TLK2: variants seen among roughly 807,000 people sequenced by gnomAD.
TLK2 encodes the protein serine/threonine-protein kinase tousled-like 2.
A neutral mutation model predicts 117.3 loss-of-function variants in TLK2; 6 were observed. That is an observed-to-expected ratio of 0.05 (90% CI 0.03 to 0.10). TLK2 has a LOEUF of 0.10. TLK2 is among the 10% of genes least tolerant of loss of function. TLK2 has a pLI of 1.00. For missense variants in TLK2, 299 were observed against 901.2 expected, an observed-to-expected ratio of 0.33 and a Z score of 8.56; for synonymous variants, 257 against 316.7, an observed-to-expected ratio of 0.81 and a Z score of 2.00.
At chr17:62,565,245 CAGTT>C (rs1202026139) in intron 11 of TLK2, 108 bp downstream of exon 11, 6 of 1,407,372 alleles carry the variant, frequency 4.3e-6, no homozygotes, top group Admixed American at 2.6e-5. Context: ...GTCATCTTTT[CAGTT>C]AGTTTTTTAG....
Position 62,573,384 on chromosome 17 carries a change from C to A in TLK2, c.1121+17C>A. On this transcript the variant is annotated intron_variant, in intron 12 of 21. Coordinates refer to ENST00000346027, the MANE Select transcript of TLK2 (RefSeq NM_006852.6). ...AAATGAAACGTATGTTCTTTATTGA[C>A]GTGAACGCTGAGACACCACACCCTG... 1 of 1,612,714 alleles carries A rather than the reference C, an allele frequency of 6.2e-7. No homozygotes were observed. The highest frequency in any genetic ancestry group is 8.5e-7 in the Non-Finnish European group (1 of 1,179,336).
Position 62,516,529 on chromosome 17 carries a change from C to T in TLK2, c.82-4244C>T, listed in dbSNP as rs372177740. On this transcript the variant is annotated intron_variant, in intron 2 of 21. Coordinates refer to ENST00000346027, the MANE Select transcript of TLK2 (RefSeq NM_006852.6). ...CTCCGGGGGCAGATGAAGGTAATCA[C>T]GGAGATACTGGATACACTCATTGGT... 130 of 1,608,800 alleles carry T rather than the reference C, an allele frequency of 8.1e-5. No homozygotes were observed. In the African/African-American group the frequency reaches 1.1e-3, roughly 14 times the overall value.
At chr17:62,522,998 G>A in intron 4 of TLK2, 136 bp from the exon 5 acceptor site, 1 of 952,662 alleles carries the variant, frequency 1.0e-6, no homozygotes, top group South Asian at 2.3e-5. Context: ...AAGGTATTTT[G>A]GCTCATTTGT....
At chr17:62,536,379 C>T in intron 7 of TLK2, 42 bp downstream of exon 7, 1 of 1,560,716 alleles carries the variant, frequency 6.4e-7, no homozygotes. Context: ...TTTCCATTGC[C>T]CTAGTGCTCC....
chr17:62,600,312 G>A (rs1305096865), intron 17 of TLK2: 1 of 174,360 alleles, frequency 5.7e-6, no homozygotes, highest in East Asian at 1.5e-4. Flanking sequence ...TGTGGCATGG[G>A]TGTGTAAAGG....
Position 62,525,374 on chromosome 17 carries a change from T to C in TLK2, c.363+1043T>C, listed in dbSNP as rs183386639. 2.4e-3 allele frequency among the ~76,000 whole-genome samples: 360 copies of C among 152,276 alleles called. 3 individuals are homozygous for C. Among genetic ancestry groups the C allele is most frequent in the African/African-American group, 6.7e-3 (277 of 41,558 alleles). ...ATTATTGTAATTATTAAAGCACTTA[T>C]GAAAACATAAGTTAAACTTATGAAA... On this transcript the variant is annotated intron_variant, in intron 6 of 21. Coordinates refer to ENST00000346027, the MANE Select transcript of TLK2 (RefSeq NM_006852.6).
intron 8 of TLK2, chr17:62,553,318 T>A: frequency 2.0e-5 from 4 of 201,864 alleles, no homozygotes; most frequent in Non-Finnish European, 3.0e-5. Flanking sequence ...CCTTAGAGAG[T>A]TGTGTGTCAA....
rs1452740809 is a variant in TLK2, at chr17:62,615,463, A to G, written c.*2898A>G. The G allele has an allele frequency of 2.0e-5, 3 of 152,242 alleles. No homozygotes were observed. Among genetic ancestry groups the G allele is most frequent in the Admixed American group, 6.5e-5 (1 of 15,280 alleles). The allele number at this position is 152,242 out of a possible 1,614,324, so 9.4% of individuals were successfully genotyped here. A position where few individuals can be genotyped will look rare whatever the true frequency, so the allele number is the denominator to read the frequency against. On this transcript the variant is annotated 3_prime_UTR_variant, in exon 22 of 22. Coordinates refer to ENST00000346027, the MANE Select transcript of TLK2 (RefSeq NM_006852.6). ...TGGGGGAGGGAAGAAGGATATTAAA[A>G]TAAGTTTTAAGAAGCAAATTTCCCA...
chr17:62,497,233 A>G (rs1178453725), intron 2 of TLK2, among the ~76,000 whole-genome samples: 1 of 152,024 alleles, frequency 6.6e-6, no homozygotes, highest in Non-Finnish European at 1.5e-5. Flanking sequence ...ATGCACTTCC[A>G]CACTTCAGCC....
intron 2 of TLK2, among the ~76,000 whole-genome samples, chr17:62,486,515 G>A (rs2072410917): frequency 6.6e-6 from 1 of 152,098 alleles, no homozygotes; most frequent in Admixed American, 6.6e-5. Context: ...TCTACTTCTA[G>A]TAATGTGAAA....
chr17:62,587,671 C>T (rs970645129), intron 16 of TLK2, among the ~76,000 whole-genome samples: 5 of 152,106 alleles, frequency 3.3e-5, no homozygotes, highest in African/African-American at 1.2e-4. Flanking sequence ...CCTGTGGCAC[C>T]CTGCGTGTGT....
Position 62,614,241 on chromosome 17 carries a change from G to A in TLK2, c.*1676G>A, listed in dbSNP as rs2083978722. 1 of 152,116 alleles carries A rather than the reference G, an allele frequency of 6.6e-6. No individual in the cohort carries two copies. Among genetic ancestry groups the A allele is most frequent in the African/African-American group, 2.4e-5 (1 of 41,416 alleles). 9.4% of individuals were successfully genotyped at this position (152,116 alleles called of 1,614,324 possible). A position where few individuals can be genotyped will look rare whatever the true frequency, so the allele number is the denominator to read the frequency against. Reference sequence around the variant, plus strand: ...AGATGTATGATCAACTGAAGATGGAGCTGAAATGGGAGACGGGTGGCCCCA... The same window carrying A: ...AGATGTATGATCAACTGAAGATGGAACTGAAATGGGAGACGGGTGGCCCCA... On this transcript the variant is annotated 3_prime_UTR_variant, in exon 22 of 22. Transcript: ENST00000346027.
intron 6 of TLK2, among the ~76,000 whole-genome samples, chr17:62,529,024 A>G (rs560083139): frequency 6.6e-6 from 1 of 152,296 alleles, no homozygotes; most frequent in East Asian, 1.9e-4. Context: ...ATCCATAAAC[A>G]AAATAGTTCA....
chr17:62,546,548 C>CTTTTTTTT (rs2077957430), intron 7 of TLK2, among the ~76,000 whole-genome samples: 1 of 144,304 alleles, frequency 6.9e-6, no homozygotes, highest in Non-Finnish European at 1.5e-5. Flanking sequence ...TTCTTATTTT[C>CTTTTTTTT]TTTTTCTTTC....
chr17:62,474,228 G>A (rs904557449), upstream of TLK2, among the ~76,000 whole-genome samples: 1 of 151,118 alleles, frequency 6.6e-6, no homozygotes, highest in Non-Finnish European at 1.5e-5. Flanking sequence ...ACAGACACAC[G>A]CTGCCTTGCC....
intron 11 of TLK2, among the ~76,000 whole-genome samples, chr17:62,572,610 G>A (rs949983562): frequency 6.6e-6 from 1 of 152,102 alleles, no homozygotes; most frequent in Non-Finnish European, 1.5e-5. Flanking sequence ...GGAAGACTTC[G>A]TTGTGCTTTC....
At chr17:62,471,204 T>C (rs1451720843) in intron 1 of TLK2, 18 of 152,246 alleles carry the variant, frequency 1.2e-4, no homozygotes, top group Non-Finnish European at 2.2e-4. Context: ...CTTGACTGCC[T>C]GGCTGTGCAG....
chr17:62,587,841 T>C (rs2081744104), intron 16 of TLK2, among the ~76,000 whole-genome samples: 1 of 152,144 alleles, frequency 6.6e-6, no homozygotes. Flanking sequence ...TGACCAGTTA[T>C]AAGTGAGCAA....
intron 20 of TLK2, 46 bp from the exon 21 acceptor site, chr17:62,607,995 A>C (rs760220058): frequency 6.6e-7 from 1 of 1,514,616 alleles, no homozygotes; most frequent in Admixed American, 1.9e-5. Flanking sequence ...TTTTCTCTAT[A>C]ATTTTCATCA....
Sources: allele counts gnomAD v4.1 joint callset (sites outside exome capture counted in the v4.1 genomes callset), GRCh38; gene constraint gnomAD v4.1.1; transcripts MANE v1.5; gene names NCBI Gene and HGNC (gene_info 2026-07-23, HGNC 2026-07-21).